Variants in GPR158 observed in about 807,000 individuals in gnomAD.
GPR158 encodes the protein G protein-coupled receptor 158, also known as metabotropic glycine receptor.
GPR158 carries 30 observed loss-of-function variants against 78.2 expected under a neutral mutation model. The observed-to-expected ratio is 0.38, with a 90% CI of 0.29 to 0.52. The LOEUF (loss-of-function observed/expected upper bound fraction) is 0.52. Among genes scored for constraint, GPR158 ranks in the 20% least tolerant of loss-of-function variants. The pLI is 0.83. For synonymous variants in GPR158, 581 were observed against 591.1 expected, an observed-to-expected ratio of 0.98 and a Z score of 0.25; for missense variants, 1,463 against 1,523.5, an observed-to-expected ratio of 0.96 and a Z score of 0.66.
chr10:25,454,694 A>G (rs999074570), intron 4 of GPR158, among the ~76,000 whole-genome samples: 1 of 152,192 alleles, frequency 6.6e-6, no homozygotes, highest in Non-Finnish European at 1.5e-5. Context: ...TTTAATCCCT[A>G]TGAAACCAAG....
chr10:25,292,026 G>A (rs1301898893), intron 2 of GPR158, among the ~76,000 whole-genome samples: 1 of 151,930 alleles, frequency 6.6e-6, no homozygotes, highest in Admixed American at 6.6e-5. Context: ...ACTTGGCCCC[G>A]GCAGTTCCAA....
At chr10:25,453,434 G>A (rs1187377747) in intron 4 of GPR158, among the ~76,000 whole-genome samples, 2 of 152,078 alleles carry the variant, frequency 1.3e-5, no homozygotes, top group South Asian at 2.1e-4. Flanking sequence ...GGTGTGAGGT[G>A]ACATCTTATG....
intron 2 of GPR158, among the ~76,000 whole-genome samples, chr10:25,378,891 A>C (rs530345992): frequency 6.6e-4 from 100 of 152,266 alleles, no homozygotes; most frequent in African/African-American, 2.2e-3. Context: ...TTCCAGGTTC[A>C]AATGATCCTC....
chr10:25,441,533 CTAT>C (rs2130589288), intron 4 of GPR158, among the ~76,000 whole-genome samples: 1 of 152,252 alleles, frequency 6.6e-6, no homozygotes, highest in South Asian at 2.1e-4. Flanking sequence ...TCATTTAAAT[CTAT>C]TATGCAATCA....
chr10:25,599,151 G>A lies in GPR158; in HGVS notation c.3525G>A (p.Glu1175=), dbSNP rs1293798143. 1 of 1,611,044 alleles carries A rather than the reference G, an allele frequency of 6.2e-7. No homozygotes were observed. The highest frequency in any genetic ancestry group is 8.5e-7 in the Non-Finnish European group (1 of 1,179,982). ...LTSRAEVCPW[E]FETPAQPNAG... ...CACGAGCAGAGGTTTGTCCTTGGGAGTTTGAGACCCCAGCTCAACCAAATG... is the reference window on the plus strand; with the variant it reads ...CACGAGCAGAGGTTTGTCCTTGGGAATTTGAGACCCCAGCTCAACCAAATG... Residue 1175 remains glutamate, a synonymous_variant, in exon 11 of 11, where the codon GAG becomes GAA. Transcript: ENST00000376351.
chr10:25,316,235 A>G (rs979450903), intron 2 of GPR158, among the ~76,000 whole-genome samples: 8 of 152,192 alleles, frequency 5.3e-5, no homozygotes. Flanking sequence ...CAATTTACCC[A>G]GGTATCTGGT....
At chr10:25,199,729 CA>C (rs1852895575) in intron 1 of GPR158, among the ~76,000 whole-genome samples, 1 of 152,130 alleles carries the variant, frequency 6.6e-6, no homozygotes. Flanking sequence ...TCCCCTTCTG[CA>C]TGGCCTTCTA....
In GPR158 at chr10:25,551,035, T is replaced by G; in HGVS notation, c.1464T>G (p.Arg488=). 1.2e-6 allele frequency: 2 copies of G among 1,611,278 alleles called. No individual in the cohort carries two copies. The highest frequency in any genetic ancestry group is 1.7e-6 in the Non-Finnish European group (2 of 1,177,558). The change falls in exon 6 of 11, where the codon CGT becomes CGG. Residue 488 remains arginine, a synonymous_variant. Transcript: ENST00000376351. ...GCTGTATTCTCCTAAGATGGGCTCG[T>G]CTTCTCGGTTTTGCTACTGTTTACG... The part of the protein sequence containing the change: ...TFRCILLRWA[R]LLGFATVYGT...
chr10:25,563,718 T>C (rs535132475), intron 6 of GPR158, among the ~76,000 whole-genome samples: 1 of 152,346 alleles, frequency 6.6e-6, no homozygotes, highest in African/African-American at 2.4e-5. Context: ...TTAACTTTTA[T>C]GCTCCTCTTT....
intron 5 of GPR158, among the ~76,000 whole-genome samples, chr10:25,546,904 G>A (rs1588906968): frequency 6.6e-6 from 1 of 152,166 alleles, no homozygotes; most frequent in South Asian, 2.1e-4. Context: ...TTCAGCAAAT[G>A]CAAGGACCGC....
At chr10:25,347,705 A>G (rs1355740118) in intron 2 of GPR158, among the ~76,000 whole-genome samples, 3 of 152,040 alleles carry the variant, frequency 2.0e-5, no homozygotes, top group African/African-American at 7.2e-5. Context: ...ATTCATTCCT[A>G]TGGTATTTTC....
chr10:25,556,009 T>A (rs1836782354), intron 6 of GPR158, among the ~76,000 whole-genome samples: 1 of 152,200 alleles, frequency 6.6e-6, no homozygotes, highest in Non-Finnish European at 1.5e-5. Context: ...CATTTACATT[T>A]ATTTATTTTA....
At chr10:25,547,637 C>A (rs1200571619) in intron 5 of GPR158, among the ~76,000 whole-genome samples, 2 of 152,134 alleles carry the variant, frequency 1.3e-5, no homozygotes, top group Non-Finnish European at 2.9e-5. Flanking sequence ...TGGCATTCAT[C>A]ACCTCCCCCA....
At chr10:25,570,394 T>C (rs1013902375) in intron 6 of GPR158, among the ~76,000 whole-genome samples, 1 of 152,220 alleles carries the variant, frequency 6.6e-6, no homozygotes, top group Non-Finnish European at 1.5e-5. Flanking sequence ...TTTTTGACTA[T>C]GGGTTTGATA....
chr10:25,367,156 C>T (rs1467452994), intron 2 of GPR158, among the ~76,000 whole-genome samples: 1 of 151,346 alleles, frequency 6.6e-6, no homozygotes, highest in Non-Finnish European at 1.5e-5. Flanking sequence ...TAATCAAAAC[C>T]AGAATTTATT....
At position 25,313,467 on chromosome 10, in the gene GPR158, G is replaced by A. The variant is rs1393017883; in HGVS notation, c.1009-82444G>A. On this transcript the variant is annotated intron_variant, in intron 2 of 10. Coordinates refer to ENST00000376351, the MANE Select transcript of GPR158 (RefSeq NM_020752.3). ...CAGAGAGATATGTTGAAATATTGTT[G>A]TTGAGAAATAAACTAGAATCAATGG... Among the ~76,000 whole-genome samples, 5 of 151,156 alleles carry A rather than the reference G, an allele frequency of 3.3e-5. No individual in the cohort carries two copies. In the South Asian group the frequency reaches 8.3e-4, roughly 25 times the overall value.
chr10:25,597,026 T>C (rs1837417562), intron 10 of GPR158, among the ~76,000 whole-genome samples: 1 of 152,222 alleles, frequency 6.6e-6, no homozygotes, highest in South Asian at 2.1e-4. Context: ...TCAACTTTTA[T>C]AGTAACCTGG....
At chr10:25,530,224 T>TA (rs1426919901) in intron 5 of GPR158, among the ~76,000 whole-genome samples, 1 of 152,096 alleles carries the variant, frequency 6.6e-6, no homozygotes, top group African/African-American at 2.4e-5. Flanking sequence ...AAAGTGTTAT[T>TA]AAAAAAACAA....
chr10:25,275,451 G>A (rs559791575), intron 2 of GPR158, among the ~76,000 whole-genome samples: 10 of 152,232 alleles, frequency 6.6e-5, no homozygotes, highest in Non-Finnish European at 1.0e-4. Context: ...TTAGCCCCTC[G>A]TTAACTACTA....
Sources: gnomAD v4.1 joint callset for allele counts (sites outside exome capture counted in the v4.1 genomes callset) on GRCh38, gnomAD v4.1.1 for gene constraint, MANE v1.5 for transcripts, NCBI Gene and HGNC (gene_info 2026-07-23, HGNC 2026-07-21) for gene names.